The following KLHL32 variants were observed in gnomAD, a reference collection of about 807,000 sequenced individuals.
KLHL32 encodes the protein kelch like family member 32.
A neutral mutation model predicts 64.8 loss-of-function variants in KLHL32; 35 were observed. The observed-to-expected ratio is 0.54, with a 90% CI of 0.41 to 0.72. KLHL32 has a LOEUF of 0.72. Among genes scored for constraint, KLHL32 ranks in the 30% least tolerant of loss-of-function variants. The pLI is 0.00. For missense variants in KLHL32, 589 were observed against 768.5 expected (o/e 0.77, Z 2.76); for synonymous variants, 259 against 281.0 (o/e 0.92, Z 0.78).
chr6:96,937,021 C>G lies in KLHL32; in HGVS notation c.-66+11995C>G, dbSNP rs543515894. On this transcript the variant is annotated intron_variant, in intron 1 of 10. Transcript: ENST00000369261. ...CCCCTTCACTCTCAATTCATCTTAC[C>G]CTGTATTTTTTTCCCCACAGCTCTT... 2.0e-5 allele frequency among the ~76,000 whole-genome samples: 3 copies of G among 152,124 alleles called. No homozygotes were observed. In the East Asian group the frequency reaches 5.8e-4, roughly 29 times the overall value.
chr6:97,028,112 A>G (rs1394513415), intron 3 of KLHL32, among the ~76,000 whole-genome samples: 1 of 152,132 alleles, frequency 6.6e-6, no homozygotes, highest in Non-Finnish European at 1.5e-5. Context: ...GGGAGGACTG[A>G]CTACCCCAGC....
At chr6:96,932,575 C>CTT (rs774478104) in intron 1 of KLHL32, among the ~76,000 whole-genome samples, 4 of 73,812 alleles carry the variant, frequency 5.4e-5, no homozygotes, top group Admixed American at 2.9e-4. Context: ...CCCCCCCCCC[C>CTT]TTTTTTTTTT....
At chr6:97,132,289 G>A (rs543877011) in intron 9 of KLHL32, among the ~76,000 whole-genome samples, 10 of 152,252 alleles carry the variant, frequency 6.6e-5, no homozygotes, top group African/African-American at 2.4e-4. Flanking sequence ...AAGCATTTGC[G>A]GGTATAGAAG....
At chr6:97,006,527 T>C (rs937262814) in intron 3 of KLHL32, among the ~76,000 whole-genome samples, 4 of 152,188 alleles carry the variant, frequency 2.6e-5, no homozygotes, top group Non-Finnish European at 5.9e-5. Flanking sequence ...AATATTGATA[T>C]GTGTGGGTTT....
chr6:97,070,933 AT>A (rs1790619152), intron 5 of KLHL32, among the ~76,000 whole-genome samples: 1 of 152,040 alleles, frequency 6.6e-6, no homozygotes, highest in African/African-American at 2.4e-5. Flanking sequence ...CCATCTGTAA[AT>A]ATTTCTAGTC....
intron 3 of KLHL32, among the ~76,000 whole-genome samples, chr6:97,006,592 C>T (rs2128085596): frequency 6.6e-6 from 1 of 152,098 alleles, no homozygotes; most frequent in Admixed American, 6.5e-5. Context: ...TGTGTAGTTG[C>T]TCTATATACT....
chr6:96,967,543 C>G (rs1172005321), intron 2 of KLHL32, among the ~76,000 whole-genome samples: 1 of 151,760 alleles, frequency 6.6e-6, no homozygotes, highest in African/African-American at 2.4e-5. Flanking sequence ...CTAAGGCAAT[C>G]ACTTTGGGGA....
chr6:97,039,422 A>G (rs1274396860), intron 3 of KLHL32, among the ~76,000 whole-genome samples: 1 of 152,168 alleles, frequency 6.6e-6, no homozygotes, highest in Non-Finnish European at 1.5e-5. Context: ...GATGATGGGG[A>G]TATTGAATAA....
At chr6:96,950,422 C>T (rs1278636117) in intron 1 of KLHL32, among the ~76,000 whole-genome samples, 1 of 151,876 alleles carries the variant, frequency 6.6e-6, no homozygotes, top group Non-Finnish European at 1.5e-5. Flanking sequence ...CTCATGCCCA[C>T]GTTCTTTCTT....
chr6:96,965,999 T>C (rs895240066), intron 1 of KLHL32, among the ~76,000 whole-genome samples: 2 of 152,202 alleles, frequency 1.3e-5, no homozygotes, highest in African/African-American at 2.4e-5. Context: ...GTCATACCAA[T>C]TGAGGGTTTG....
chr6:96,990,948 G>A (rs1777790063), intron 3 of KLHL32, among the ~76,000 whole-genome samples: 1 of 152,000 alleles, frequency 6.6e-6, no homozygotes. Flanking sequence ...AGGGGCTTTC[G>A]GTTTTGTCTA....
the KLHL32 span, among the ~76,000 whole-genome samples, chr6:96,915,790 A>ATATGCCACCCCAAG: frequency 6.6e-6 from 1 of 152,194 alleles, no homozygotes; most frequent in Non-Finnish European, 1.5e-5. Context: ...GCCACCCCAA[A>ATATGCCACCCCAAG]ATATGCCACT....
At chr6:97,135,662 CA>C (rs1380259340) in intron 10 of KLHL32, among the ~76,000 whole-genome samples, 1 of 152,136 alleles carries the variant, frequency 6.6e-6, no homozygotes, top group Non-Finnish European at 1.5e-5. Context: ...TATGGATTAT[CA>C]CTTAAAGAGA....
At chr6:96,922,103 C>G (rs1768771243), upstream of KLHL32, among the ~76,000 whole-genome samples, 4 of 152,158 alleles carry the variant, frequency 2.6e-5, no homozygotes, top group South Asian at 8.3e-4. Context: ...ACCCAATTTC[C>G]TATAGTGAAT....
At chr6:97,109,748 C>T (rs976608614) in intron 6 of KLHL32, among the ~76,000 whole-genome samples, 11 of 152,050 alleles carry the variant, frequency 7.2e-5, no homozygotes, top group Admixed American at 5.2e-4. Context: ...ATAAAAAGAG[C>T]CTATGGAGAC....
At chr6:96,990,698 G>T (rs377284917) in intron 3 of KLHL32, among the ~76,000 whole-genome samples, 36 of 151,970 alleles carry the variant, frequency 2.4e-4, no homozygotes, top group African/African-American at 8.2e-4. Context: ...ATACGGAGCT[G>T]CTACCAGTTG....
chr6:96,902,239 G>T, the KLHL32 span, among the ~76,000 whole-genome samples: 2 of 151,900 alleles, frequency 1.3e-5, no homozygotes, highest in Non-Finnish European at 2.9e-5. Context: ...CCACAATCTT[G>T]CCAGCATCTG....
chr6:96,974,229 C>T (rs571856401), intron 2 of KLHL32, among the ~76,000 whole-genome samples: 32 of 152,228 alleles, frequency 2.1e-4, no homozygotes, highest in African/African-American at 7.7e-4. Context: ...ACACGGTAAG[C>T]ACTATGTGTT....
chr6:96,995,281 C>T lies in KLHL32; in HGVS notation c.204+19104C>T, dbSNP rs1196856555. Among the ~76,000 whole-genome samples the T allele has an allele frequency of 3.3e-5, 5 of 152,214 alleles. No homozygotes were observed. In the East Asian group the frequency reaches 7.7e-4, roughly 23 times the overall value. ...AGGAAGTTCAGTTAATTGTTAGGCT[C>T]AGCTACTGCAGGTTCACTCACTTTT... On this transcript the variant is annotated intron_variant, in intron 3 of 10. Coordinates refer to ENST00000369261, the MANE Select transcript of KLHL32 (RefSeq NM_052904.4).
Sources: allele counts gnomAD v4.1 joint callset (sites outside exome capture counted in the v4.1 genomes callset), GRCh38; gene constraint gnomAD v4.1.1; transcripts MANE v1.5; gene names NCBI Gene and HGNC (gene_info 2026-07-23, HGNC 2026-07-21).